WDR27: variants seen among roughly 807,000 people sequenced by gnomAD.
WDR27 encodes the protein WD repeat-containing protein 27.
Under a neutral mutation model 114.4 loss-of-function variants are expected in WDR27, and 100 were observed. The ratio of observed to expected loss-of-function variants is 0.87; its 90% confidence interval spans 0.74 to 1.03. The LOEUF (loss-of-function observed/expected upper bound fraction) is 1.03. Among genes scored for constraint, WDR27 ranks in the 50% least tolerant of loss-of-function variants. The pLI, the probability that WDR27 is intolerant of heterozygous loss-of-function variation, is 0.00. For missense variants in WDR27, 1,129 were observed against 1,092.9 expected (o/e 1.03, Z -0.47); for synonymous variants, 449 against 423.1 (o/e 1.06, Z -0.75).
rs552002263 is a variant in WDR27 at position 169,684,022 on chromosome 6, G to T, written c.189+4795C>A. Among the ~76,000 whole-genome samples the T allele has an allele frequency of 4.5e-4, 68 of 152,314 alleles. No individual in the cohort carries two copies. The highest frequency in any genetic ancestry group is 6.8e-3 in the Middle Eastern group (2 of 294). On this transcript the variant is annotated intron_variant, in intron 2 of 25. Transcript: ENST00000448612. This position sits in a 1 kb window ranked among gnomAD's most constrained non-coding sequence, Gnocchi z 4.3. ...GGCCAGAAGTCACTGCCATTCTCCA[G>T]CCCTGGGGCTCCATCTTTACTATAC... is the stretch of plus-strand genomic sequence containing the variant.
At chr6:169,426,976 G>GGT in the WDR27 span, 13 of 149,036 alleles carry the variant, frequency 8.7e-5, no homozygotes, top group African/African-American at 2.9e-4. Flanking sequence ...GGGGCAGTGG[G>GGT]GGGGGGGTGG....
At chr6:169,649,342 AT>A in intron 14 of WDR27, 67 bp from the exon 15 acceptor site, 1 of 1,376,680 alleles carries the variant, frequency 7.3e-7, no homozygotes, top group Non-Finnish European at 1.0e-6. Context: ...AGAGATTTAT[AT>A]TTTACAGTGA....
chr6:169,465,644 A>G (rs1406620778), intron 25 of WDR27, among the ~76,000 whole-genome samples: 4 of 152,264 alleles, frequency 2.6e-5, no homozygotes, highest in Non-Finnish European at 5.9e-5. Flanking sequence ...GAGGCAATCC[A>G]AGCATCCATC....
the WDR27 span, among the ~76,000 whole-genome samples, chr6:169,430,034 C>T: frequency 2.0e-5 from 3 of 152,194 alleles, no homozygotes; most frequent in Admixed American, 6.5e-5. Flanking sequence ...CTTCAAGGGC[C>T]TCAAGGTCAC....
At chr6:169,528,521 T>C (rs1399406462) in intron 25 of WDR27, among the ~76,000 whole-genome samples, 1 of 152,226 alleles carries the variant, frequency 6.6e-6, no homozygotes, top group Non-Finnish European at 1.5e-5. Flanking sequence ...AACAAACATC[T>C]TTAAAATAAT....
At chr6:169,698,545 A>G (rs1005713496) in intron 1 of WDR27, among the ~76,000 whole-genome samples, 4 of 152,316 alleles carry the variant, frequency 2.6e-5, no homozygotes, top group East Asian at 3.9e-4. Flanking sequence ...TTATTTTTCT[A>G]TATGTTAAAA....
chr6:169,570,681 T>C (rs1375944173), intron 25 of WDR27, among the ~76,000 whole-genome samples: 1 of 151,986 alleles, frequency 6.6e-6, no homozygotes, highest in African/African-American at 2.4e-5. Context: ...ATACAAAAAT[T>C]AGCCAGGCGT....
the WDR27 span, among the ~76,000 whole-genome samples, chr6:169,452,091 C>A: frequency 1.3e-5 from 2 of 152,176 alleles, no homozygotes; most frequent in African/African-American, 4.8e-5. Flanking sequence ...ACAACCACAG[C>A]AAACTGCATG....
chr6:169,602,057 T>G (rs1265669622), intron 23 of WDR27, among the ~76,000 whole-genome samples, 162 bp downstream of exon 23: 2 of 152,224 alleles, frequency 1.3e-5, no homozygotes, highest in Non-Finnish European at 2.9e-5. Context: ...CTTTCATACC[T>G]CACACATTAT....
chr6:169,515,381 G>A (rs142897021), intron 25 of WDR27, among the ~76,000 whole-genome samples: 17 of 152,134 alleles, frequency 1.1e-4, no homozygotes, highest in Middle Eastern at 3.4e-3. Context: ...AAATGAAAGC[G>A]GTAATGATCA....
chr6:169,637,742 G>T (rs1056410264), intron 18 of WDR27, among the ~76,000 whole-genome samples: 18 of 151,156 alleles, frequency 1.2e-4, no homozygotes, highest in African/African-American at 4.4e-4. Flanking sequence ...GTGAATACGT[G>T]GTAAGTATAA....
At chr6:169,560,451 T>A (rs2128113395) in intron 25 of WDR27, among the ~76,000 whole-genome samples, 1 of 152,298 alleles carries the variant, frequency 6.6e-6, no homozygotes, top group South Asian at 2.1e-4. Flanking sequence ...AAGTAAGGTG[T>A]GTGCACATGG....
chr6:169,575,298 CTCCA>C (rs1345846376), intron 24 of WDR27, among the ~76,000 whole-genome samples: 1 of 96,128 alleles, frequency 1.0e-5, no homozygotes, highest in Non-Finnish European at 2.3e-5. Context: ...CCCTCCCTCT[CTCCA>C]TCCATCCATC....
At chr6:169,625,360 C>T (rs973805971) in intron 21 of WDR27, among the ~76,000 whole-genome samples, 6 of 152,198 alleles carry the variant, frequency 3.9e-5, no homozygotes, top group East Asian at 1.9e-4. Context: ...AGCCCTGGAA[C>T]AGCAGTGTAG....
At chr6:169,547,108 C>T (rs903963811) in intron 25 of WDR27, among the ~76,000 whole-genome samples, 4 of 152,040 alleles carry the variant, frequency 2.6e-5, no homozygotes, top group African/African-American at 9.7e-5. Flanking sequence ...TTGAAAGACA[C>T]AATATGCCAA....
In WDR27 at chr6:169,666,526, A is replaced by G. The variant is rs1209651789; in HGVS notation, c.712+610T>C. The G allele has an allele frequency of 5.1e-6, 5 of 985,442 alleles. No individual in the cohort carries two copies. In the Admixed American group the frequency reaches 1.8e-4, roughly 36 times the overall value. 61.0% of individuals were successfully genotyped at this position (985,442 alleles called of 1,614,324 possible). On this transcript the variant is annotated intron_variant, in intron 6 of 25. Transcript: ENST00000448612. The stretch of plus-strand genomic sequence containing the variant: ...CAGGAAACCAGTGCCCTAAGATGCC[A>G]GGAGGACAAGCACAGGGGCTGCACG...
chr6:169,653,829 G>A (rs796416383), intron 13 of WDR27, among the ~76,000 whole-genome samples: 14 of 152,374 alleles, frequency 9.2e-5, no homozygotes, highest in African/African-American at 3.4e-4. Context: ...GGAGGTGAGG[G>A]CAGAAAGGCC....
chr6:169,600,293 C>A (rs1807694232), intron 23 of WDR27, among the ~76,000 whole-genome samples: 1 of 152,082 alleles, frequency 6.6e-6, no homozygotes, highest in Admixed American at 6.5e-5. Context: ...GATATGACAT[C>A]CACACCAAAA....
intron 25 of WDR27, among the ~76,000 whole-genome samples, chr6:169,461,970 T>C (rs149900456): frequency 1.3e-4 from 20 of 152,196 alleles, no homozygotes; most frequent in Non-Finnish European, 2.5e-4. Context: ...CTACTAATTC[T>C]TCAGAAATAA....
Sources: allele counts gnomAD v4.1 joint callset (sites outside exome capture counted in the v4.1 genomes callset), GRCh38; gene constraint gnomAD v4.1.1; non-coding constraint Gnocchi (gnomAD v3.1); transcripts MANE v1.5; gene names NCBI Gene and HGNC (gene_info 2026-07-23, HGNC 2026-07-21).